The following ARHGAP24 variants were observed in gnomAD, a reference collection of about 807,000 sequenced individuals.
The protein encoded by ARHGAP24 is rho GTPase-activating protein 24.
A neutral mutation model predicts 76.4 loss-of-function variants in ARHGAP24; 50 were observed. The ratio of observed to expected loss-of-function variants is 0.65; its 90% CI spans 0.52 to 0.83. The LOEUF is 0.83. Among genes scored for constraint, ARHGAP24 ranks in the 40% least tolerant of loss-of-function variants. The pLI is 0.00. For missense variants in ARHGAP24, 930 were observed against 914.2 expected, an observed-to-expected ratio of 1.02 and a Z score of -0.22; for synonymous variants, 345 against 323.3, an observed-to-expected ratio of 1.07 and a Z score of -0.72.
chr4:85,567,741 C>T (rs936556771), intron 1 of ARHGAP24, among the ~76,000 whole-genome samples: 13 of 152,166 alleles, frequency 8.5e-5, no homozygotes, highest in Non-Finnish European at 1.6e-4. Flanking sequence ...ATAATCCAGC[C>T]CAGCATCCTC....
At chr4:85,523,313 A>G (rs1724859928) in intron 1 of ARHGAP24, among the ~76,000 whole-genome samples, 1 of 152,196 alleles carries the variant, frequency 6.6e-6, no homozygotes, top group South Asian at 2.1e-4. Context: ...AGTACTGTAC[A>G]TGACTCCTAG....
At chr4:85,813,848 AG>A (rs1729121092) in intron 3 of ARHGAP24, among the ~76,000 whole-genome samples, 2 of 140,712 alleles carry the variant, frequency 1.4e-5, no homozygotes, top group African/African-American at 5.1e-5. Context: ...ATATATTTGT[AG>A]TTAGAACATG....
intron 3 of ARHGAP24, among the ~76,000 whole-genome samples, chr4:85,895,676 C>G (rs886109204): frequency 6.6e-6 from 1 of 151,780 alleles, no homozygotes; most frequent in Non-Finnish European, 1.5e-5. Flanking sequence ...TTTTCTGTAC[C>G]CTTTTTGAAA....
chr4:85,476,316 C>A (rs1431536047), intron 1 of ARHGAP24, among the ~76,000 whole-genome samples: 1 of 151,996 alleles, frequency 6.6e-6, no homozygotes. Context: ...TCAGCATCAA[C>A]CAGTAATAGG....
intron 1 of ARHGAP24, among the ~76,000 whole-genome samples, chr4:85,485,197 A>G (rs1226825762): frequency 1.3e-5 from 2 of 149,708 alleles, no homozygotes; most frequent in Non-Finnish European, 3.0e-5. Context: ...AAATACAAAA[A>G]ATTAGCTGGG....
intron 5 of ARHGAP24, among the ~76,000 whole-genome samples, chr4:85,956,753 C>T (rs185680445): frequency 5.1e-4 from 77 of 152,294 alleles, no homozygotes; most frequent in Admixed American, 1.9e-3. Flanking sequence ...GAATCAGGAG[C>T]ACAGCCGACA....
At chr4:85,732,699 T>G (rs1236109859) in intron 3 of ARHGAP24, among the ~76,000 whole-genome samples, 1 of 150,580 alleles carries the variant, frequency 6.6e-6, no homozygotes, top group Admixed American at 6.6e-5. Context: ...AACTTCTTTT[T>G]TTTTTTTTTT....
chr4:85,627,166 G>C (rs1720987394), intron 2 of ARHGAP24, among the ~76,000 whole-genome samples: 1 of 152,060 alleles, frequency 6.6e-6, no homozygotes, highest in Non-Finnish European at 1.5e-5. Context: ...TTAGAGTTTT[G>C]AGTTTTTCTG....
chr4:85,622,162 A>G (rs1720740660), intron 2 of ARHGAP24, among the ~76,000 whole-genome samples: 1 of 151,782 alleles, frequency 6.6e-6, no homozygotes, highest in South Asian at 2.1e-4. Flanking sequence ...TTTGTTACAT[A>G]TGTATATATG....
At chr4:85,709,252 G>T (rs1724431705) in intron 2 of ARHGAP24, among the ~76,000 whole-genome samples, 1 of 152,074 alleles carries the variant, frequency 6.6e-6, no homozygotes, top group Admixed American at 6.6e-5. Context: ...TTTGCTGAGT[G>T]CCCAGGAGAG....
At chr4:85,732,868 T>A (rs1725459139) in intron 3 of ARHGAP24, among the ~76,000 whole-genome samples, 1 of 136,282 alleles carries the variant, frequency 7.3e-6, no homozygotes, top group African/African-American at 2.9e-5. Context: ...TAATTTTGTA[T>A]TTTTTTTTTT....
intron 3 of ARHGAP24, among the ~76,000 whole-genome samples, chr4:85,733,060 C>CCTTTTTTTTTTTTTTTTTTTTTT (rs1460021134): frequency 1.8e-5 from 1 of 55,206 alleles, no homozygotes; most frequent in Non-Finnish European, 3.2e-5. Flanking sequence ...GCCTCACCAA[C>CCTTTTTTTTTTTTTTTTTTTTTT]TTTTTTTTTT....
chr4:85,818,455 T>C (rs757923267), intron 3 of ARHGAP24, among the ~76,000 whole-genome samples: 15 of 152,220 alleles, frequency 9.9e-5, no homozygotes, highest in Non-Finnish European at 1.3e-4. Context: ...GTTTTTTTCT[T>C]CAGAAACGTG....
At chr4:85,882,250 A>G (rs6818942) in intron 3 of ARHGAP24, among the ~76,000 whole-genome samples, 133,507 of 152,162 alleles carry the variant, frequency 0.88, 58,647 homozygotes, top group East Asian at 0.99. Context: ...CATTAAGTTT[A>G]TTGATTCTCA....
chr4:85,628,627 G>A (rs900503683), intron 2 of ARHGAP24, among the ~76,000 whole-genome samples: 3 of 152,110 alleles, frequency 2.0e-5, no homozygotes, highest in South Asian at 2.1e-4. Flanking sequence ...TTGTATTGCT[G>A]TCTATTTATC....
intron 1 of ARHGAP24, among the ~76,000 whole-genome samples, chr4:85,527,747 T>C (rs139158429): frequency 2.0e-5 from 3 of 152,294 alleles, no homozygotes; most frequent in African/African-American, 7.2e-5. Context: ...AATATAGAAA[T>C]ACTGCCTCTC....
At chr4:85,498,653 T>G (rs925861648) in intron 1 of ARHGAP24, among the ~76,000 whole-genome samples, 5 of 152,214 alleles carry the variant, frequency 3.3e-5, no homozygotes, top group Non-Finnish European at 5.9e-5. Context: ...AAGACAGTCT[T>G]TCTCTCCTAA....
intron 2 of ARHGAP24, among the ~76,000 whole-genome samples, chr4:85,654,347 A>G (rs905738568): frequency 1.3e-5 from 2 of 152,174 alleles, no homozygotes; most frequent in Admixed American, 1.3e-4. Context: ...GCAACCTTAA[A>G]TACCTCCTTA....
intron 2 of ARHGAP24, among the ~76,000 whole-genome samples, chr4:85,721,325 G>C (rs552244818): frequency 1.3e-5 from 2 of 151,734 alleles, no homozygotes; most frequent in East Asian, 3.9e-4. Context: ...AACCCGGAAG[G>C]CAGAGGTTGC....
Sources: allele counts gnomAD v4.1 joint callset (sites outside exome capture counted in the v4.1 genomes callset), GRCh38; gene constraint gnomAD v4.1.1; transcripts MANE v1.5; gene names NCBI Gene and HGNC (gene_info 2026-07-23, HGNC 2026-07-21).